The following KLC3 variants were observed in gnomAD, a reference collection of about 807,000 sequenced individuals.
The protein encoded by KLC3 is kinesin light chain 2.
KLC3 carries 72 observed loss-of-function variants against 62.9 expected under a neutral mutation model. The observed-to-expected ratio is 1.15, with a 90% CI of 0.95 to 1.39. The LOEUF (loss-of-function observed/expected upper bound fraction) is 1.39. KLC3 is among the 40% of genes most tolerant of loss of function. The pLI is 0.00. For missense variants in KLC3, 848 were observed against 691.6 expected, an observed-to-expected ratio of 1.23 and a Z score of -2.54; for synonymous variants, 377 against 300.5, an observed-to-expected ratio of 1.25 and a Z score of -2.63.
chr19:45,341,574 TGTGTGCGCGC>T, intron 1 of KLC3, among the ~76,000 whole-genome samples: 2 of 124,408 alleles, frequency 1.6e-5, no homozygotes, highest in Admixed American at 1.5e-4. Context: ...TGTGTGTGTG[TGTGTGCGCGC>T]GCGCGTGTGG....
rs1568524054 is a variant in KLC3 at position 45,348,153 on chromosome 19, G to GT, written c.773dup (p.Tyr259ValfsTer16). 1 of 1,587,140 alleles carries GT rather than the reference G, an allele frequency of 6.3e-7. No individual in the cohort carries two copies. Among genetic ancestry groups the GT allele is most frequent in the Admixed American group, 1.8e-5 (1 of 57,014 alleles). ...CACCATGCTCAACATCCTGGCGCTG[G>GT]TGTACCGGTGAGCACTGCGGCCAGC... is the stretch of plus-strand genomic sequence containing the variant. On this transcript the variant is annotated frameshift_variant, in exon 5 of 13. Coordinates refer to ENST00000391946, the MANE Select transcript of KLC3 (RefSeq NM_177417.3). LOFTEE classifies it high-confidence loss of function.
In KLC3 at chr19:45,340,814, G is replaced by C. The variant is rs1568518906; in HGVS notation, c.-41G>C. The C allele has an allele frequency of 6.6e-6, 1 of 152,146 alleles. No homozygotes were observed. Among genetic ancestry groups the C allele is most frequent in the African/African-American group, 2.4e-5 (1 of 41,430 alleles). The allele number at this position is 152,146 out of a possible 1,614,324, so 9.4% of individuals were successfully genotyped here. On this transcript the variant is annotated 5_prime_UTR_variant, in exon 1 of 13. Transcript: ENST00000391946. ...CTGCGGGACGCGACTGATCGCAGTGGGGCGAAGCGGGGCCGGAGCCGCCCG... is the reference window on the plus strand; with the variant it reads ...CTGCGGGACGCGACTGATCGCAGTGCGGCGAAGCGGGGCCGGAGCCGCCCG...
chr19:45,345,656 G>C lies in KLC3; in HGVS notation c.115G>C (p.Ala39Pro), dbSNP rs1463636922. The C allele has an allele frequency of 6.3e-7, 1 of 1,583,998 alleles. No homozygotes were observed. Among genetic ancestry groups the C allele is most frequent in the Non-Finnish European group, 8.6e-7 (1 of 1,166,582 alleles). ...QVVQGLEALR[A>P]EHHGLAGHLA... Reference sequence around the variant, plus strand: ...GGTCCAGGGGCTGGAGGCGCTGCGGGCAGAGCACCATGGCCTGGCTGGGCA... The same window carrying C: ...GGTCCAGGGGCTGGAGGCGCTGCGGCCAGAGCACCATGGCCTGGCTGGGCA... Residue 39 changes from alanine to proline, a missense_variant, in exon 2 of 13, where the codon GCA becomes CCA. By Grantham distance (27) the Ala-to-Pro change is conservative (BLOSUM62 -1). Coordinates refer to ENST00000391946, the MANE Select transcript of KLC3 (RefSeq NM_177417.3).
Position 45,347,502 on chromosome 19 carries a change from A to AGGAGGAGAGGAAAGGTGGGTGTTGGG in KLC3, c.546_559+12dup. ...CTGGCCTCCCTGTTCCCCAGCGAGG[A>AGGAGGAGAGGAAAGGTGGGTGTTGGG]GGAGGAGAGGAAAGGTGGGTGTTGG... On this transcript the variant is annotated frameshift_variant, in exon 4 of 13. Transcript: ENST00000391946. LOFTEE classifies it high-confidence loss of function. The AGGAGGAGAGGAAAGGTGGGTGTTGGG allele has an allele frequency of 6.2e-7, 1 of 1,611,996 alleles. No individual in the cohort carries two copies. The highest frequency in any genetic ancestry group is 8.5e-7 in the Non-Finnish European group (1 of 1,179,118).
At chr19:45,350,489 C>T in intron 9 of KLC3, 25 bp from the exon 10 acceptor site, 1 of 1,613,752 alleles carries the variant, frequency 6.2e-7, no homozygotes, top group Non-Finnish European at 8.5e-7. Flanking sequence ...GTCCCCATCT[C>T]AGTGTCCCCC....
At chr19:45,346,441 C>T in intron 2 of KLC3, 103 bp from the exon 3 acceptor site, 1 of 952,878 alleles carries the variant, frequency 1.0e-6, no homozygotes. Context: ...GGGTGTCGTG[C>T]ATAGTAGTGG....
chr19:45,345,150 C>G, intron 1 of KLC3: 1 of 385,078 alleles, frequency 2.6e-6, no homozygotes, highest in Non-Finnish European at 4.7e-6. Flanking sequence ...CAACCGGGAG[C>G]TCTGGGCCAG....
At position 45,350,742 on chromosome 19, in the gene KLC3, A is replaced by G; in HGVS notation, c.1374A>G (p.Ala458=). The G allele has an allele frequency of 6.2e-7, 1 of 1,610,216 alleles. No individual in the cohort carries two copies. The highest frequency in any genetic ancestry group is 8.5e-7 in the Non-Finnish European group (1 of 1,178,530). ...SRLRGEAAAG[A]AGMKRAMSLN... ...TCCGAGGCGAGGCGGCGGCAGGAGC[A>G]GCCGGGTGAGTGTTGATCAGGTCGG... is the stretch of plus-strand genomic sequence containing the variant. Residue 458 remains alanine, a synonymous_variant, in exon 11 of 13, where the codon GCA becomes GCG. Coordinates refer to ENST00000391946, the MANE Select transcript of KLC3 (RefSeq NM_177417.3).
intron 8 of KLC3, 127 bp from the exon 9 acceptor site, chr19:45,350,214 G>A (rs1207437927): frequency 4.4e-6 from 3 of 684,474 alleles, no homozygotes; most frequent in Non-Finnish European, 7.4e-6. Context: ...TTGAGGCTAG[G>A]AGTTCAAGAC....
chr19:45,349,695 G>A lies in KLC3; in HGVS notation c.1143+93G>A. ...TGGATACAGGGTGAGCAACGTGAGGGTGGGGGGGGGCCCCCCAGGCCGGGC... is the reference window on the plus strand; with the variant it reads ...TGGATACAGGGTGAGCAACGTGAGGATGGGGGGGGGCCCCCCAGGCCGGGC... On this transcript the variant is annotated intron_variant, in intron 8 of 12. Coordinates refer to ENST00000391946, the MANE Select transcript of KLC3 (RefSeq NM_177417.3). 5.5e-6 allele frequency: 5 copies of A among 907,440 alleles called. 1 individual carries two copies. Among genetic ancestry groups the A allele is most frequent in the Non-Finnish European group, 7.8e-6 (5 of 644,440 alleles). 56.2% of individuals were successfully genotyped at this position (907,440 alleles called of 1,614,324 possible).
At chr19:45,341,686 T>A (rs1386674323) in intron 1 of KLC3, among the ~76,000 whole-genome samples, 1 of 151,680 alleles carries the variant, frequency 6.6e-6, no homozygotes, top group Non-Finnish European at 1.5e-5. Flanking sequence ...GGCGGAACTG[T>A]GTCCAGAAGT....
intron 1 of KLC3, among the ~76,000 whole-genome samples, chr19:45,341,572 T>TGCGCGCGC (rs777978021): frequency 1.6e-5 from 2 of 127,100 alleles, no homozygotes; most frequent in Non-Finnish European, 3.7e-5. Flanking sequence ...TGTGTGTGTG[T>TGCGCGCGC]GTGTGTGCGC....
In KLC3 at chr19:45,349,454, T is replaced by C. The variant is rs779769310; in HGVS notation, c.995T>C (p.Val332Ala). 1 of 1,612,108 alleles carries C rather than the reference T, an allele frequency of 6.2e-7. No homozygotes were observed. The highest frequency in any genetic ancestry group is 8.5e-7 in the Non-Finnish European group (1 of 1,178,770). The change falls in exon 8 of 13, where the codon GTG (valine) becomes GCG (alanine). Residue 332 changes from valine to alanine, a missense_variant. Transcript: ENST00000391946. ...GTCCTGGGTGCTGACCACCCAGATGTGGCCAAGCAGCTCAACAACCTGGCC... is the reference window on the plus strand; with the variant it reads ...GTCCTGGGTGCTGACCACCCAGATGCGGCCAAGCAGCTCAACAACCTGGCC... ...EKVLGADHPD[V>A]AKQLNNLALL... is the part of the protein sequence containing the mutation.
intron 1 of KLC3, among the ~76,000 whole-genome samples, chr19:45,343,524 G>A (rs558528439): frequency 2.0e-5 from 3 of 152,066 alleles, no homozygotes; most frequent in South Asian, 2.1e-4. Context: ...TAGTAGAGCC[G>A]GGGTTTCACC....
Position 45,347,937 on chromosome 19 carries a change from C to A in KLC3, c.560-4C>A. The stretch of plus-strand genomic sequence containing the variant: ...TGACCCAGAGCCCACCCCACCCCAC[C>A]TAGGTCCTGAGGCCGCAGGAGCAGC... On this transcript the variant is annotated splice_region_variant and splice_polypyrimidine_tract_variant and intron_variant, in intron 4 of 12. Coordinates refer to ENST00000391946, the MANE Select transcript of KLC3 (RefSeq NM_177417.3). The A allele has an allele frequency of 6.3e-7, 1 of 1,598,246 alleles. No homozygotes were observed. Among genetic ancestry groups the A allele is most frequent in the South Asian group, 1.1e-5 (1 of 88,418 alleles).
rs746864308 is a variant in KLC3 at position 45,347,935 on chromosome 19, A to AC, written c.560-4dup. On this transcript the variant is annotated splice_region_variant and splice_polypyrimidine_tract_variant and intron_variant, in intron 4 of 12. Transcript: ENST00000391946. Reference sequence around the variant, plus strand: ...AGTGACCCAGAGCCCACCCCACCCCACCTAGGTCCTGAGGCCGCAGGAGCA... The same window carrying AC: ...AGTGACCCAGAGCCCACCCCACCCCACCCTAGGTCCTGAGGCCGCAGGAGCA... The AC allele has an allele frequency of 5.0e-6, 8 of 1,594,860 alleles. No individual in the cohort carries two copies. In the South Asian group the frequency reaches 9.1e-5, roughly 18 times the overall value.
rs779638478 is a variant in KLC3, at chr19:45,346,569, T to G, written c.284T>G (p.Val95Gly). ...GTGCTGCTGGCCCTGTCGGCACATGTGGGTGCACTGGAGGCAGAGAAGCAG... is the reference window on the plus strand; with the variant it reads ...GTGCTGCTGGCCCTGTCGGCACATGGGGGTGCACTGGAGGCAGAGAAGCAG... ...AQVLLALSAH[V>G]GALEAEKQRL... The change falls in exon 3 of 13, where the codon GTG (valine) becomes GGG (glycine). Residue 95 changes from valine to glycine, a missense_variant. Physicochemically the swap from Val to Gly is moderately radical, Grantham distance 109. Transcript: ENST00000391946. 1 of 1,545,822 alleles carries G rather than the reference T, an allele frequency of 6.5e-7. No homozygotes were observed. The highest frequency in any genetic ancestry group is 1.2e-5 in the South Asian group (1 of 83,738).
chr19:45,344,265 T>G (rs866516696), intron 1 of KLC3, among the ~76,000 whole-genome samples: 3 of 148,892 alleles, frequency 2.0e-5, no homozygotes, highest in Non-Finnish European at 4.5e-5. Flanking sequence ...CCAGGCTGGA[T>G]TGCAGTGGTG....
In KLC3 at chr19:45,348,920, A is replaced by C. The variant is rs908262739; in HGVS notation, c.968A>C (p.Lys323Thr). ...CAGCGCGCTTTGGAGATCCGAGAGA[A>C]GGTCCCATCCCCCTCACCCCACCCC... ...LCQRALEIRE[K>T]VLGADHPDVA... The change falls in exon 7 of 13, where the codon AAG (lysine) becomes ACG (threonine). Residue 323 changes from lysine (K) to threonine (T), a missense_variant and splice_region_variant. Physicochemically the swap from Lys to Thr is moderately conservative, Grantham distance 78. Coordinates refer to ENST00000391946, the MANE Select transcript of KLC3 (RefSeq NM_177417.3). The C allele has an allele frequency of 6.3e-7, 1 of 1,575,380 alleles. No homozygotes were observed. The highest frequency in any genetic ancestry group is 2.3e-5 in the East Asian group (1 of 43,346).
Sources: allele counts gnomAD v4.1 joint callset (sites outside exome capture counted in the v4.1 genomes callset), GRCh38; gene constraint gnomAD v4.1.1; transcripts MANE v1.5; gene names NCBI Gene and HGNC (gene_info 2026-07-23, HGNC 2026-07-21).